Variants in MYO1E observed in about 807,000 individuals in gnomAD.
MYO1E encodes the protein unconventional myosin-Ie.
Under a neutral mutation model 151.1 loss-of-function variants are expected in MYO1E, and 68 were observed. The ratio of observed to expected loss-of-function variants is 0.45; its 90% CI spans 0.37 to 0.55. The LOEUF (loss-of-function observed/expected upper bound fraction) is 0.55. Among genes scored for constraint, MYO1E ranks in the 20% least tolerant of loss-of-function variants. The probability of loss-of-function intolerance (pLI) is 0.00; values close to 1 mark genes in which losing one functional copy is unlikely to be tolerated. For missense variants in MYO1E, 1,363 were observed against 1,389.3 expected, an observed-to-expected ratio of 0.98 and a Z score of 0.30; for synonymous variants, 601 against 501.7, an observed-to-expected ratio of 1.20 and a Z score of -2.64.
intron 1 of MYO1E, among the ~76,000 whole-genome samples, chr15:59,307,944 C>T (rs113804282): frequency 0.015 from 2,122 of 144,822 alleles, 43 homozygotes; most frequent in African/African-American, 0.048. Flanking sequence ...GGGGCTGGCG[C>T]GGTGGCTCAC....
chr15:59,184,832 A>G (rs149180708), intron 18 of MYO1E, among the ~76,000 whole-genome samples: 396 of 152,212 alleles, frequency 2.6e-3, no homozygotes, highest in Non-Finnish European at 4.8e-3. Flanking sequence ...ATCATATGGT[A>G]GCTCTATTTT....
chr15:59,247,012 A>G (rs1440275704), intron 4 of MYO1E, among the ~76,000 whole-genome samples: 1 of 152,172 alleles, frequency 6.6e-6, no homozygotes, highest in Non-Finnish European at 1.5e-5. Flanking sequence ...CCTGGGCAAC[A>G]TAAGAAGACC....
At chr15:59,157,903 G>A (rs966926390) in intron 25 of MYO1E, among the ~76,000 whole-genome samples, 21 of 152,204 alleles carry the variant, frequency 1.4e-4, no homozygotes, top group Non-Finnish European at 2.5e-4. Context: ...GTATTTGGCC[G>A]GAGCTGGGTA....
At chr15:59,242,480 C>T (rs572880178) in intron 4 of MYO1E, among the ~76,000 whole-genome samples, 1 of 152,106 alleles carries the variant, frequency 6.6e-6, no homozygotes, top group Admixed American at 6.6e-5. Flanking sequence ...GCCATAATTC[C>T]ATAGTGCCAT....
chr15:59,303,960 C>CT (rs543253622), intron 1 of MYO1E, among the ~76,000 whole-genome samples: 7 of 149,352 alleles, frequency 4.7e-5, no homozygotes, highest in Non-Finnish European at 1.0e-4. Context: ...GCAGGCGTCT[C>CT]TATTTTCATT....
At chr15:59,326,472 G>A (rs779188583) in intron 1 of MYO1E, among the ~76,000 whole-genome samples, 26 of 152,166 alleles carry the variant, frequency 1.7e-4, no homozygotes, top group Admixed American at 2.6e-4. Flanking sequence ...GCAGTGAGCC[G>A]AGACTGCGCC....
At chr15:59,354,801 C>T (rs1389237350) in intron 1 of MYO1E, among the ~76,000 whole-genome samples, 2 of 152,052 alleles carry the variant, frequency 1.3e-5, no homozygotes, top group Admixed American at 6.5e-5. Context: ...ATTGAAGGGG[C>T]GTTAGTAGGA....
intron 1 of MYO1E, among the ~76,000 whole-genome samples, chr15:59,324,442 T>A (rs2080649688): frequency 6.6e-6 from 1 of 152,068 alleles, no homozygotes; most frequent in African/African-American, 2.4e-5. Flanking sequence ...GGTCTGGGTT[T>A]TAAAAGAAAA....
At chr15:59,174,945 A>G (rs1474313112) in intron 19 of MYO1E, among the ~76,000 whole-genome samples, 1 of 152,148 alleles carries the variant, frequency 6.6e-6, no homozygotes, top group Non-Finnish European at 1.5e-5. Context: ...ATGAATGCTG[A>G]CAGCTGCGCC....
chr15:59,151,684 G>A (rs1022550456), intron 26 of MYO1E, among the ~76,000 whole-genome samples: 3 of 152,008 alleles, frequency 2.0e-5, no homozygotes, highest in Admixed American at 6.5e-5. Context: ...AGGCCAAGGC[G>A]GGTGGATTAC....
intron 1 of MYO1E, among the ~76,000 whole-genome samples, chr15:59,365,693 T>C (rs1164738141): frequency 6.6e-6 from 1 of 152,194 alleles, no homozygotes; most frequent in African/African-American, 2.4e-5. Flanking sequence ...CGTATGACCA[T>C]AAAGTGCTAT....
rs574287205 is a variant in MYO1E, at chr15:59,174,840, G to A, written c.2050-600C>T. Among the ~76,000 whole-genome samples the A allele has an allele frequency of 3.9e-4, 59 of 152,238 alleles. No individual in the cohort carries two copies. The South Asian group carries it at 0.011, about 29-fold the overall frequency. ...CAGTGACTGGAGCTGGACGTGAGGT[G>A]TGTTAATGAGGACTTGCATTTGCCC... On this transcript the variant is annotated intron_variant, in intron 19 of 27. Coordinates refer to ENST00000288235, the MANE Select transcript of MYO1E (RefSeq NM_004998.4).
chr15:59,201,357 G>T (rs1340490755), intron 16 of MYO1E, among the ~76,000 whole-genome samples: 1 of 150,574 alleles, frequency 6.6e-6, no homozygotes, highest in Non-Finnish European at 1.5e-5. Context: ...GCCTCCAAAA[G>T]TGTTGGGATT....
intron 26 of MYO1E, among the ~76,000 whole-genome samples, chr15:59,146,401 C>G (rs960964089): frequency 6.6e-6 from 1 of 152,092 alleles, no homozygotes; most frequent in African/African-American, 2.4e-5. Flanking sequence ...CTGCAGCCTC[C>G]GCCTCCCAGA....
At chr15:59,340,525 A>C (rs1451991202) in intron 1 of MYO1E, among the ~76,000 whole-genome samples, 3 of 152,200 alleles carry the variant, frequency 2.0e-5, no homozygotes, top group African/African-American at 7.2e-5. Flanking sequence ...GACGTCACTC[A>C]CTGTGTTTTT....
intron 4 of MYO1E, among the ~76,000 whole-genome samples, chr15:59,254,415 CTGGCCTCAAG>C (rs2080182658): frequency 6.6e-6 from 1 of 152,172 alleles, no homozygotes; most frequent in Non-Finnish European, 1.5e-5. Flanking sequence ...TCTCCAATTC[CTGGCCTCAAG>C]TGATCCTCCT....
At chr15:59,343,918 G>A (rs1355511676) in intron 1 of MYO1E, among the ~76,000 whole-genome samples, 1 of 152,084 alleles carries the variant, frequency 6.6e-6, no homozygotes, top group Non-Finnish European at 1.5e-5. Context: ...TTCCTCCTCT[G>A]TGTTACCTTG....
intron 1 of MYO1E, among the ~76,000 whole-genome samples, chr15:59,286,840 G>A (rs2080390384): frequency 6.6e-6 from 1 of 152,160 alleles, no homozygotes; most frequent in Non-Finnish European, 1.5e-5. Context: ...AAGGGCATTG[G>A]TCTAGGGGCC....
At chr15:59,258,979 T>C (rs1350734732) in intron 3 of MYO1E, among the ~76,000 whole-genome samples, 2 of 151,720 alleles carry the variant, frequency 1.3e-5, no homozygotes, top group African/African-American at 2.4e-5. Context: ...TGTTTTTAAA[T>C]AGAGACAGGG....
Sources: gnomAD v4.1 joint callset for allele counts (sites outside exome capture counted in the v4.1 genomes callset) on GRCh38, gnomAD v4.1.1 for gene constraint, MANE v1.5 for transcripts, NCBI Gene and HGNC (gene_info 2026-07-23, HGNC 2026-07-21) for gene names.